The following CD163L1 variants were observed in gnomAD, a reference collection of about 807,000 sequenced individuals.
CD163L1 encodes scavenger receptor cysteine-rich type 1 protein M160.
A neutral mutation model predicts 165.4 loss-of-function variants in CD163L1; 124 were observed. That is an observed-to-expected ratio of 0.75 (90% CI 0.65 to 0.87). The LOEUF is 0.87. Among genes scored for constraint, CD163L1 ranks in the 40% least tolerant of loss-of-function variants. The pLI, the probability that CD163L1 is intolerant of heterozygous loss-of-function variation, is 0.00. For synonymous variants in CD163L1, 585 were observed against 662.2 expected (o/e 0.88, Z 1.79); for missense variants, 1,525 against 1,799.9 (o/e 0.85, Z 2.76).
intron 2 of CD163L1, among the ~76,000 whole-genome samples, chr12:7,434,275 T>C (rs1191397070): frequency 2.0e-5 from 3 of 152,166 alleles, no homozygotes; most frequent in African/African-American, 7.2e-5. Context: ...TAGTCCACCT[T>C]CTCTAATCAA....
chr12:7,435,866 C>T lies in CD163L1; in HGVS notation c.125-2172G>A, dbSNP rs777923416. On this transcript the variant is annotated intron_variant, in intron 2 of 19. Coordinates refer to ENST00000313599, the MANE Select transcript of CD163L1 (RefSeq NM_174941.6). ...GATAATATATTTTACTTAACGAAAA[C>T]TTAAATAATTATAGCCATTGCAACA... is the stretch of plus-strand genomic sequence containing the variant. 4.1e-4 allele frequency among the ~76,000 whole-genome samples: 63 copies of T among 152,080 alleles called. 1 individual carries two copies. In the East Asian group the frequency reaches 0.012, roughly 28 times the overall value.
chr12:7,399,143 T>TCTTC (rs148486475), intron 6 of CD163L1, among the ~76,000 whole-genome samples: 1 of 151,828 alleles, frequency 6.6e-6, no homozygotes, highest in African/African-American at 2.4e-5. Context: ...TTCCTTCCTT[T>TCTTC]CTTCCTTCCT....
the CD163L1 span, chr12:7,328,178 A>C: frequency 2.6e-6 from 2 of 772,274 alleles, no homozygotes; most frequent in South Asian, 3.6e-5. Flanking sequence ...AGGCTAAGAT[A>C]ATCTCGACTT....
intron 8 of CD163L1, among the ~76,000 whole-genome samples, chr12:7,380,553 T>C (rs930261089): frequency 2.0e-4 from 31 of 152,042 alleles, no homozygotes; most frequent in Non-Finnish European, 8.8e-5. Flanking sequence ...TTGTATGTTC[T>C]CACTCATAAG....
chr12:7,336,856 T>C, the CD163L1 span, among the ~76,000 whole-genome samples: 4 of 152,060 alleles, frequency 2.6e-5, no homozygotes, highest in Non-Finnish European at 5.9e-5. Flanking sequence ...AGGGCCCGTA[T>C]AGCCAAGACA....
At chr12:7,414,754 A>G (rs750294497) in intron 4 of CD163L1, among the ~76,000 whole-genome samples, 11 of 152,282 alleles carry the variant, frequency 7.2e-5, no homozygotes, top group Admixed American at 2.6e-4. Context: ...AGAGCTATCA[A>G]TGAATTTTCT....
chr12:7,433,465 A>G lies in CD163L1; in HGVS notation c.354T>C (p.Tyr118=), dbSNP rs746161160. 6 of 1,613,990 alleles carry G rather than the reference A, an allele frequency of 3.7e-6. No homozygotes were observed. The Admixed American group carries it at 5.0e-5, about 13-fold the overall frequency. The change falls in exon 3 of 20, where the codon TAT becomes TAC. Residue 118 remains tyrosine (Y), a synonymous_variant. Coordinates refer to ENST00000313599, the MANE Select transcript of CD163L1 (RefSeq NM_174941.6). ...GKIWLDDVSC[Y]GNESALWECQ... ...ATTCCCAGAGAGCTGACTCATTTCCATAACAGGAAACATCATCAAGCCAAA... is the reference window on the plus strand; with the variant it reads ...ATTCCCAGAGAGCTGACTCATTTCCGTAACAGGAAACATCATCAAGCCAAA...
chr12:7,431,385 CCAGCCTGGGCAA>C (rs1377158262), intron 4 of CD163L1, among the ~76,000 whole-genome samples: 1 of 151,730 alleles, frequency 6.6e-6, no homozygotes, highest in African/African-American at 2.4e-5. Flanking sequence ...CCACTACACT[CCAGCCTGGGCAA>C]CAGCCTGGGT....
At chr12:7,389,265 T>C (rs898261834) in intron 8 of CD163L1, among the ~76,000 whole-genome samples, 1 of 152,234 alleles carries the variant, frequency 6.6e-6, no homozygotes, top group African/African-American at 2.4e-5. Flanking sequence ...TCACCAACAT[T>C]TGTTATTGCC....
intron 4 of CD163L1, among the ~76,000 whole-genome samples, chr12:7,422,126 C>T (rs982402009): frequency 4.3e-4 from 65 of 152,152 alleles, no homozygotes; most frequent in African/African-American, 1.3e-3. Flanking sequence ...CTGCACACTC[C>T]GCTGGTGATA....
At chr12:7,407,927 C>T (rs1373741095) in intron 4 of CD163L1, among the ~76,000 whole-genome samples, 2 of 151,980 alleles carry the variant, frequency 1.3e-5, no homozygotes, top group East Asian at 1.9e-4. Flanking sequence ...AGTTGGCCTT[C>T]TAATCTGCTG....
At chr12:7,387,599 G>A (rs1026125037) in intron 8 of CD163L1, among the ~76,000 whole-genome samples, 3 of 152,176 alleles carry the variant, frequency 2.0e-5, no homozygotes, top group South Asian at 4.2e-4. Flanking sequence ...GTTAAAAAGA[G>A]CCTGGTACCT....
chr12:7,338,525 A>G, the CD163L1 span, among the ~76,000 whole-genome samples: 1 of 152,190 alleles, frequency 6.6e-6, no homozygotes, highest in South Asian at 2.1e-4. Context: ...CACTTTGCTG[A>G]GTAAGATTGG....
At chr12:7,375,022 G>T in intron 11 of CD163L1, 99 bp from the exon 12 acceptor site, 1 of 1,152,176 alleles carries the variant, frequency 8.7e-7, no homozygotes, top group South Asian at 1.3e-5. Flanking sequence ...TTGTGATAAG[G>T]ACTTTTCAAA....
intron 4 of CD163L1, among the ~76,000 whole-genome samples, chr12:7,413,163 TA>T (rs1456280286): frequency 6.6e-6 from 1 of 150,594 alleles, no homozygotes; most frequent in Non-Finnish European, 1.5e-5. Context: ...ATAGACACAT[TA>T]AAGAGGATAA....
chr12:7,368,361 A>C lies in CD163L1; in HGVS notation c.4073-164T>G. On this transcript the variant is annotated intron_variant, in intron 16 of 19. Transcript: ENST00000313599. This position sits in a 1 kb window ranked among gnomAD's most constrained non-coding sequence, Gnocchi z 4.3. ...AATCTTTGAGAGCTATTTTAGATGA[A>C]AACTATCTTGGAACAACTGAATCCA... 6.6e-6 allele frequency among the ~76,000 whole-genome samples: 1 copy of C among 152,164 alleles called. No individual in the cohort carries two copies. The highest frequency in any genetic ancestry group is 1.9e-4 in the East Asian group (1 of 5,200).
chr12:7,420,478 C>G (rs1367846162), intron 4 of CD163L1, among the ~76,000 whole-genome samples: 11 of 151,990 alleles, frequency 7.2e-5, no homozygotes, highest in African/African-American at 2.7e-4. Context: ...GACTAATTTA[C>G]AGGATCTACA....
intron 2 of CD163L1, chr12:7,439,070 C>T (rs1948778596): frequency 6.3e-7 from 1 of 1,583,642 alleles, no homozygotes; most frequent in East Asian, 2.2e-5. Context: ...CTTCTCAAAG[C>T]CATGCTCCAG....
At chr12:7,322,217 C>T in the CD163L1 span, among the ~76,000 whole-genome samples, 21 of 152,252 alleles carry the variant, frequency 1.4e-4, no homozygotes, top group Middle Eastern at 6.8e-3. Context: ...CAGGAATTTT[C>T]GTTATAATCA....
Sources: gnomAD v4.1 joint callset for allele counts (sites outside exome capture counted in the v4.1 genomes callset) on GRCh38, gnomAD v4.1.1 for gene constraint, Gnocchi (gnomAD v3.1) non-coding constraint, MANE v1.5 for transcripts, NCBI Gene and HGNC (gene_info 2026-07-23, HGNC 2026-07-21) for gene names.